XKR6: variants seen among roughly 807,000 people sequenced by gnomAD.
XKR6 encodes XK related 6.
In XKR6, 22 loss-of-function variants were observed where a neutral mutation model predicts 56.7. The ratio of observed to expected loss-of-function variants is 0.39; its 90% confidence interval spans 0.28 to 0.55. The LOEUF (loss-of-function observed/expected upper bound fraction) is 0.55, where lower values mean the gene tolerates loss of function less well. Ranked by LOEUF, XKR6 falls within the 20% of genes least tolerant of loss-of-function variation. The pLI, the probability that XKR6 is intolerant of heterozygous loss-of-function variation, is 0.66. For missense variants in XKR6, 852 were observed against 889.0 expected (o/e 0.96, Z 0.53); for synonymous variants, 524 against 387.8 (o/e 1.35, Z -4.13).
At chr8:10,926,462 G>A (rs1336640000) in intron 1 of XKR6, among the ~76,000 whole-genome samples, 1 of 152,052 alleles carries the variant, frequency 6.6e-6, no homozygotes, top group African/African-American at 2.4e-5. Flanking sequence ...CCCAGCCAGG[G>A]AAGCTGCAAT....
chr8:11,192,339 AAT>A (rs1803628401), intron 1 of XKR6, among the ~76,000 whole-genome samples: 1 of 152,010 alleles, frequency 6.6e-6, no homozygotes, highest in African/African-American at 2.4e-5. Flanking sequence ...TTGTATTTTT[AAT>A]AGAGACACCA....
At position 10,897,285 on chromosome 8, in the gene XKR6, G is replaced by A. The variant is rs1420508523; in HGVS notation, c.*667C>T. 2.0e-5 allele frequency: 3 copies of A among 152,532 alleles called. No homozygotes were observed. Among genetic ancestry groups the A allele is most frequent in the Non-Finnish European group, 2.9e-5 (2 of 68,028 alleles). The allele number at this position is 152,532 out of a possible 1,614,324, so 9.4% of individuals were successfully genotyped here. On this transcript the variant is annotated 3_prime_UTR_variant, in exon 3 of 3. Transcript: ENST00000416569. Reference sequence around the variant, plus strand: ...GGGAGGGGTTTATGCTTTTGCTTTTGGTAAATTTGTTTTCTTCAATACAAA... The same window carrying A: ...GGGAGGGGTTTATGCTTTTGCTTTTAGTAAATTTGTTTTCTTCAATACAAA...
intron 1 of XKR6, among the ~76,000 whole-genome samples, chr8:11,059,241 C>T (rs114728178): frequency 0.019 from 2,912 of 152,320 alleles, 89 homozygotes; most frequent in African/African-American, 0.067. Context: ...CGCTGGCCAG[C>T]GTCGTGTAGG....
intron 1 of XKR6, among the ~76,000 whole-genome samples, chr8:11,199,167 T>C (rs947042616): frequency 6.6e-6 from 1 of 152,216 alleles, no homozygotes; most frequent in Non-Finnish European, 1.5e-5. Flanking sequence ...AAAAGCTGTT[T>C]GGTTCAGCCT....
intron 1 of XKR6, among the ~76,000 whole-genome samples, chr8:11,149,072 T>A (rs968780810): frequency 1.3e-5 from 2 of 152,204 alleles, no homozygotes; most frequent in Admixed American, 6.5e-5. Context: ...AGGACCTGAA[T>A]GTTTGTGTGC....
intron 1 of XKR6, among the ~76,000 whole-genome samples, chr8:10,992,049 C>A (rs1460749471): frequency 6.6e-6 from 1 of 152,180 alleles, no homozygotes; most frequent in Non-Finnish European, 1.5e-5. Context: ...GGAAACAGAC[C>A]TGGCCGTGAG....
At chr8:10,994,633 T>C (rs758304103) in intron 1 of XKR6, among the ~76,000 whole-genome samples, 1 of 152,200 alleles carries the variant, frequency 6.6e-6, no homozygotes, top group Admixed American at 6.5e-5. Flanking sequence ...CTCCGAGCCT[T>C]AAGAAACTAA....
rs548733994 is a variant in XKR6 at position 10,896,916 on chromosome 8, C to T, written c.*1036G>A. 2.6e-5 allele frequency: 4 copies of T among 152,684 alleles called. No homozygotes were observed. The South Asian group carries it at 8.3e-4, about 32-fold the overall frequency. 9.5% of individuals were successfully genotyped at this position (152,684 alleles called of 1,614,324 possible). ...ACAGCCTTAAAATGATGGAACTAAT[C>T]GTTGTTGCCAGTCACTGATTAAGTA... On this transcript the variant is annotated 3_prime_UTR_variant, in exon 3 of 3. Coordinates refer to ENST00000416569, the MANE Select transcript of XKR6 (RefSeq NM_173683.4).
chr8:11,003,136 C>T (rs1267670994), intron 1 of XKR6, among the ~76,000 whole-genome samples: 1 of 151,624 alleles, frequency 6.6e-6, no homozygotes, highest in African/African-American at 2.4e-5. Flanking sequence ...AACCCACCAC[C>T]TGCCAAAGCA....
chr8:11,159,303 T>C (rs1466468599), intron 1 of XKR6, among the ~76,000 whole-genome samples: 1 of 152,252 alleles, frequency 6.6e-6, no homozygotes, highest in Non-Finnish European at 1.5e-5. Flanking sequence ...CACTGCTGCA[T>C]ATAATTTAAG....
intron 1 of XKR6, among the ~76,000 whole-genome samples, chr8:10,971,776 G>A (rs1586373891): frequency 2.0e-5 from 3 of 152,186 alleles, no homozygotes; most frequent in Non-Finnish European, 2.9e-5. Context: ...GGCAGGGGAC[G>A]CTGGCCACCC....
In XKR6 at chr8:11,048,345, G is replaced by A. The variant is rs1052573278; in HGVS notation, c.765-123515C>T. The stretch of plus-strand genomic sequence containing the variant: ...TCAGGAAGGAAGTTCAGGTCTTCTC[G>A]CCAGGGGGAGGGAAACTACTGCTTT... On this transcript the variant is annotated intron_variant, in intron 1 of 2. Coordinates refer to ENST00000416569, the MANE Select transcript of XKR6 (RefSeq NM_173683.4). 1.1e-4 allele frequency among the ~76,000 whole-genome samples: 16 copies of A among 152,186 alleles called. No individual in the cohort carries two copies. In the South Asian group the frequency reaches 1.2e-3, roughly 12 times the overall value.
intron 1 of XKR6, among the ~76,000 whole-genome samples, chr8:11,178,590 TACAC>T (rs575943399): frequency 9.8e-5 from 12 of 122,658 alleles, no homozygotes; most frequent in South Asian, 2.6e-4. Flanking sequence ...ATATATGTAC[TACAC>T]ACACACACAA....
intron 1 of XKR6, among the ~76,000 whole-genome samples, chr8:11,034,857 G>A (rs929094802): frequency 1.3e-5 from 2 of 152,120 alleles, no homozygotes; most frequent in Admixed American, 6.5e-5. Flanking sequence ...CATCCATACC[G>A]GCCAGCCTTG....
chr8:11,028,144 C>G (rs1180047660), intron 1 of XKR6, among the ~76,000 whole-genome samples: 1 of 152,152 alleles, frequency 6.6e-6, no homozygotes, highest in African/African-American at 2.4e-5. Context: ...CCAACCCCGG[C>G]AACCACCGAG....
chr8:11,185,041 CCAGA>C (rs1378162530), intron 1 of XKR6, among the ~76,000 whole-genome samples: 9 of 152,166 alleles, frequency 5.9e-5, no homozygotes, highest in African/African-American at 2.2e-4. Context: ...GGGTTTCCTC[CCAGA>C]CAAAGCTGGG....
chr8:11,129,028 G>A (rs755485802), intron 1 of XKR6: 3 of 453,482 alleles, frequency 6.6e-6, no homozygotes, highest in Middle Eastern at 3.3e-4. Context: ...CTTACACACA[G>A]TGAAATTAAG....
At chr8:11,119,416 G>T (rs1385786817) in intron 1 of XKR6, among the ~76,000 whole-genome samples, 1 of 152,172 alleles carries the variant, frequency 6.6e-6, no homozygotes, top group Non-Finnish European at 1.5e-5. Flanking sequence ...GGGTGGTAAA[G>T]TCTCCCATTA....
chr8:10,993,377 G>A (rs765558297), intron 1 of XKR6, among the ~76,000 whole-genome samples: 117 of 152,380 alleles, frequency 7.7e-4, no homozygotes, highest in Non-Finnish European at 1.6e-3. Flanking sequence ...AGGAAGAAAG[G>A]AAAGAAAGCG....
Sources: gnomAD v4.1 joint callset for allele counts (sites outside exome capture counted in the v4.1 genomes callset) on GRCh38, gnomAD v4.1.1 for gene constraint, MANE v1.5 for transcripts, NCBI Gene and HGNC (gene_info 2026-07-23, HGNC 2026-07-21) for gene names.